The following PRMT1 variants were observed in gnomAD, a reference collection of about 807,000 sequenced individuals.
PRMT1 encodes protein arginine N-methyltransferase 1.
A neutral mutation model predicts 47.4 loss-of-function variants in PRMT1; 5 were observed. The ratio of observed to expected loss-of-function variants is 0.11; its 90% CI spans 0.06 to 0.22. PRMT1 has a LOEUF of 0.22. Ranked by LOEUF, PRMT1 falls within the 10% of genes least tolerant of loss-of-function variation. The pLI is 1.00. For missense variants in PRMT1, 249 were observed against 518.4 expected, an observed-to-expected ratio of 0.48 and a Z score of 5.05; for synonymous variants, 227 against 204.6, an observed-to-expected ratio of 1.11 and a Z score of -0.94.
chr19:49,682,438 C>T (rs964076133), intron 5 of PRMT1, among the ~76,000 whole-genome samples, 179 bp downstream of exon 5: 3 of 152,070 alleles, frequency 2.0e-5, no homozygotes, highest in East Asian at 1.9e-4. Context: ...GGCTTAGCAC[C>T]GCAGTCTTAA....
chr19:49,678,456 A>T (rs2082069490), intron 1 of PRMT1, among the ~76,000 whole-genome samples: 1 of 152,054 alleles, frequency 6.6e-6, no homozygotes, highest in Non-Finnish European at 1.5e-5. Context: ...TTTCAGTGGT[A>T]TTGAGAAATA....
chr19:49,679,789 C>T (rs985423990), intron 1 of PRMT1, 83 bp from the exon 2 acceptor site: 16 of 1,066,066 alleles, frequency 1.5e-5, no homozygotes, highest in Middle Eastern at 2.1e-4. Context: ...ACCCACCCCC[C>T]GGCCAGAGCC....
chr19:49,684,808 G>A lies in PRMT1; in HGVS notation c.610G>A (p.Glu204Lys), dbSNP rs187325799. 5 of 1,597,752 alleles carry A rather than the reference G, an allele frequency of 3.1e-6. No individual in the cohort carries two copies. The highest frequency in any genetic ancestry group is 3.4e-6 in the Non-Finnish European group (4 of 1,172,092). ...GGCCACGCTGTATGTGACGGCCATC[G>A]AGGACCGGCAGTACAAAGACTACAA... ...DRATLYVTAI[E>K]DRQYKDYKIH... The change falls in exon 7 of 11, where the codon GAG becomes AAG. Residue 204 changes from glutamate to lysine, a missense_variant. Coordinates refer to ENST00000454376, the MANE Select transcript of PRMT1 (RefSeq NM_001536.6). This position sits in a 1 kb window ranked among gnomAD's most constrained non-coding sequence, Gnocchi z 6.2.
chr19:49,688,077 C>T lies in PRMT1; in HGVS notation c.1033-85C>T. The T allele has an allele frequency of 8.4e-7, 1 of 1,187,394 alleles. No homozygotes were observed. Among genetic ancestry groups the T allele is most frequent in the Non-Finnish European group, 1.3e-6 (1 of 791,654 alleles). 73.6% of individuals were successfully genotyped at this position (1,187,394 alleles called of 1,614,324 possible). On this transcript the variant is annotated intron_variant, in intron 10 of 10. Transcript: ENST00000454376. This position sits in a 1 kb window ranked among gnomAD's most constrained non-coding sequence, Gnocchi z 5.3. ...AGATGGGCAGGAAGCTGGAGCCCGG[C>T]TCATCGTCGCATAGCCTGCCTGCAC...
intron 10 of PRMT1, 135 bp downstream of exon 10, chr19:49,686,861 T>A: frequency 7.1e-6 from 1 of 141,804 alleles, no homozygotes; most frequent in Non-Finnish European, 1.4e-5. Context: ...TGGGGGCAGC[T>A]GGCGGGGGCG....
At chr19:49,677,644 A>C in intron 1 of PRMT1, 2 of 225,898 alleles carry the variant, frequency 8.9e-6, no homozygotes, top group Non-Finnish European at 1.7e-5. Flanking sequence ...GGCGGGCTCC[A>C]CGTGCGGGAC....
chr19:49,678,016 T>G (rs1056060914), intron 1 of PRMT1, among the ~76,000 whole-genome samples: 1 of 151,986 alleles, frequency 6.6e-6, no homozygotes, highest in Non-Finnish European at 1.5e-5. Context: ...CCCTGTGACC[T>G]CCCTCTGGGT....
rs948199274 is a variant in PRMT1 at position 49,680,736 on chromosome 19, C to T, written c.192+148C>T. The stretch of plus-strand genomic sequence containing the variant: ...TCTGCTGCGCACTTCCTAGGGTCGC[C>T]TCGCCAAGCCGTTGCCTTGGAGACC... On this transcript the variant is annotated intron_variant, in intron 3 of 10. Coordinates refer to ENST00000454376, the MANE Select transcript of PRMT1 (RefSeq NM_001536.6). This position sits in a 1 kb window ranked among gnomAD's most constrained non-coding sequence, Gnocchi z 4.2. 3.0e-5 allele frequency: 20 copies of T among 657,458 alleles called. No individual in the cohort carries two copies. The highest frequency in any genetic ancestry group is 2.2e-4 in the East Asian group (8 of 36,220). The allele number at this position is 657,458 out of a possible 1,614,324, so 40.7% of individuals were successfully genotyped here. A position where few individuals can be genotyped will look rare whatever the true frequency, so the allele number is the denominator to read the frequency against.
chr19:49,676,871 G>C (rs1268492744), upstream of PRMT1, among the ~76,000 whole-genome samples: 1 of 152,246 alleles, frequency 6.6e-6, no homozygotes, highest in East Asian at 1.9e-4. Context: ...CAGCGATTAG[G>C]AGGCGGGTCG....
At chr19:49,676,600 C>A (rs1002379346), upstream of PRMT1, among the ~76,000 whole-genome samples, 1 of 152,186 alleles carries the variant, frequency 6.6e-6, no homozygotes, top group Non-Finnish European at 1.5e-5. Flanking sequence ...CAGCTATGCC[C>A]TTCCTCTCTC....
intron 2 of PRMT1, 21 bp downstream of exon 2, chr19:49,679,946 C>T (rs1176570154): frequency 6.3e-7 from 1 of 1,597,398 alleles, no homozygotes; most frequent in South Asian, 1.1e-5. Context: ...TTTTGTGAGA[C>T]CCCTCCCCAC....
upstream of PRMT1, chr19:49,676,972 A>C: frequency 9.2e-6 from 3 of 326,642 alleles, no homozygotes; most frequent in African/African-American, 2.1e-5. Flanking sequence ...AGGGGAGGGC[A>C]TTCCTGGTGG....
rs2082201686 is a variant in PRMT1 at position 49,686,194 on chromosome 19, C to T, written c.861C>T (p.Tyr287=). The T allele has an allele frequency of 3.1e-6, 5 of 1,613,332 alleles. No individual in the cohort carries two copies. Among genetic ancestry groups the T allele is most frequent in the South Asian group, 1.1e-5 (1 of 90,942 alleles). The change falls in exon 9 of 11, where the codon TAC becomes TAT. Residue 287 remains tyrosine (Y), a synonymous_variant. Coordinates refer to ENST00000454376, the MANE Select transcript of PRMT1 (RefSeq NM_001536.6). ...ACTACGTGCACGCCCTGGTGGCCTA[C>T]TTCAACATCGAGTTCACACGCTGCC... The part of the protein sequence containing the change: ...RNDYVHALVA[Y]FNIEFTRCHK...
chr19:49,685,069 G>C lies in PRMT1; in HGVS notation c.759+32G>C. On this transcript the variant is annotated intron_variant, in intron 8 of 10. Transcript: ENST00000454376. The surrounding 1 kb of genome is among the most constrained non-coding windows in gnomAD (Gnocchi z 4.7). ...GGGTGGGCATGGCCAGGTGCCCCCTGGGTTGAAACCAAAGAGAGGCCATCA... is the reference window on the plus strand; with the variant it reads ...GGGTGGGCATGGCCAGGTGCCCCCTCGGTTGAAACCAAAGAGAGGCCATCA... 6.2e-7 allele frequency: 1 copy of C among 1,613,884 alleles called. No individual in the cohort carries two copies. The highest frequency in any genetic ancestry group is 8.5e-7 in the Non-Finnish European group (1 of 1,179,886).
In PRMT1 at chr19:49,684,614, A is replaced by G; in HGVS notation, c.556-140A>G. On this transcript the variant is annotated intron_variant, in intron 6 of 10. Transcript: ENST00000454376. This position sits in a 1 kb window ranked among gnomAD's most constrained non-coding sequence, Gnocchi z 6.2. ...GGTGCCCTCTGGCGGCCGTGTGGGA[A>G]ATAGACCAGGGGGCGAGGGGTGAGT... is the stretch of plus-strand genomic sequence containing the variant. 1 of 1,013,998 alleles carries G rather than the reference A, an allele frequency of 9.9e-7. No homozygotes were observed. Among genetic ancestry groups the G allele is most frequent in the South Asian group, 1.5e-5 (1 of 67,600 alleles). The allele number at this position is 1,013,998 out of a possible 1,614,324, so 62.8% of individuals were successfully genotyped here. A position where few individuals can be genotyped will look rare whatever the true frequency, so the allele number is the denominator to read the frequency against.
rs1251586517 is a variant in PRMT1, at chr19:49,684,079, C to G, written c.555+10C>G. The G allele has an allele frequency of 6.2e-7, 1 of 1,613,968 alleles. No individual in the cohort carries two copies. The highest frequency in any genetic ancestry group is 1.1e-5 in the South Asian group (1 of 91,076). ...CCGGGACAAGTGGCTGGTGAGGCCC[C>G]AGCGGGACGGGTGCAGCTCGCGTGG... On this transcript the variant is annotated intron_variant, in intron 6 of 10. Transcript: ENST00000454376. This position sits in a 1 kb window ranked among gnomAD's most constrained non-coding sequence, Gnocchi z 6.2.
chr19:49,682,054 A>G lies in PRMT1; in HGVS notation c.337A>G (p.Lys113Glu), dbSNP rs2122965904. Residue 113 changes from lysine to glutamate, a missense_variant, in exon 4 of 11, where the codon AAG (lysine) becomes GAG (glutamate). Coordinates refer to ENST00000454376, the MANE Select transcript of PRMT1 (RefSeq NM_001536.6). ...CMFAAKAGAR[K>E]VIGIECSSIS... ...GTTTGCTGCCAAGGCCGGGGCCCGC[A>G]AGGTCATCGGGGTGAGTCTCCAGGG... 2 of 1,614,048 alleles carry G rather than the reference A, an allele frequency of 1.2e-6. No homozygotes were observed. The highest frequency in any genetic ancestry group is 2.2e-5 in the East Asian group (1 of 44,888).
intron 5 of PRMT1, 38 bp from the exon 6 acceptor site, chr19:49,683,889 T>C: frequency 6.3e-7 from 1 of 1,590,976 alleles, no homozygotes; most frequent in Non-Finnish European, 8.6e-7. Flanking sequence ...GGGGCAGGCC[T>C]CCCGGGGGCT....
In PRMT1 at chr19:49,679,817, C is replaced by A. The variant is rs577810660; in HGVS notation, c.37-55C>A. ...CCAGAGCCCAGGTTCCGCCACCCAG[C>A]CCTCCCACAGCCACTCCCAGTAGCT... On this transcript the variant is annotated intron_variant, in intron 1 of 10. Coordinates refer to ENST00000454376, the MANE Select transcript of PRMT1 (RefSeq NM_001536.6). 2.8e-6 allele frequency: 4 copies of A among 1,451,766 alleles called. No individual in the cohort carries two copies. The East Asian group carries it at 6.9e-5, about 25-fold the overall frequency. The allele number at this position is 1,451,766 out of a possible 1,614,324, so 89.9% of individuals were successfully genotyped here.
Sources: allele counts gnomAD v4.1 joint callset (sites outside exome capture counted in the v4.1 genomes callset), GRCh38; gene constraint gnomAD v4.1.1; non-coding constraint Gnocchi (gnomAD v3.1); transcripts MANE v1.5; gene names NCBI Gene and HGNC (gene_info 2026-07-23, HGNC 2026-07-21).